ANOS1: variants seen among roughly 807,000 people sequenced by gnomAD.
ANOS1 encodes the protein anosmin 1, also known as anosmin-1.
ANOS1 carries 6 observed loss-of-function variants against 59.0 expected under a neutral mutation model. The observed-to-expected ratio is 0.10, with a 90% CI of 0.06 to 0.20. ANOS1 has a LOEUF of 0.20. ANOS1 is among the 10% of genes least tolerant of loss of function. The probability of loss-of-function intolerance (pLI) is 1.00; values close to 1 mark genes in which losing one functional copy is unlikely to be tolerated. For missense variants in ANOS1, 433 were observed against 542.3 expected (o/e 0.80, Z 2.00); for synonymous variants, 217 against 223.4 (o/e 0.97, Z 0.25).
intron 2 of ANOS1, among the ~76,000 whole-genome samples, chrX:8,698,420 C>G (rs1932715357): frequency 8.9e-6 from 1 of 112,101 alleles, no homozygotes; most frequent in Non-Finnish European, 1.9e-5. Flanking sequence ...ACCAATGTAA[C>G]AAATTATCAT....
At chrX:8,676,308 A>G (rs775626107) in intron 2 of ANOS1, among the ~76,000 whole-genome samples, 2 of 112,005 alleles carry the variant, frequency 1.8e-5, no homozygotes, top group Non-Finnish European at 3.8e-5. Context: ...ACTAATGTGC[A>G]ACTACTTAAG....
intron 2 of ANOS1, among the ~76,000 whole-genome samples, chrX:8,652,227 C>T (rs1014101924): frequency 3.6e-5 from 4 of 111,828 alleles, no homozygotes; most frequent in Admixed American, 9.5e-5. Flanking sequence ...GCTCCCAAAG[C>T]GCTGAGATTA....
At chrX:8,535,402 A>G in intron 12 of ANOS1, 189 bp downstream of exon 12, 1 of 458,131 alleles carries the variant, frequency 2.2e-6, no homozygotes. Flanking sequence ...AGCTTATGCT[A>G]CTTCTTAGCT....
chrX:8,643,852 C>T (rs1360065411), intron 2 of ANOS1, among the ~76,000 whole-genome samples: 1 of 111,854 alleles, frequency 8.9e-6, no homozygotes. Context: ...AAAAACTCAG[C>T]CAACTGTCCA....
intron 3 of ANOS1, among the ~76,000 whole-genome samples, chrX:8,609,990 G>C (rs1199694526): frequency 3.0e-5 from 2 of 67,357 alleles, no homozygotes; most frequent in African/African-American, 1.3e-4. Context: ...CTGGGCGACA[G>C]AGCAAGACTC....
At chrX:8,626,412 C>A (rs1339679946) in intron 2 of ANOS1, among the ~76,000 whole-genome samples, 1 of 110,830 alleles carries the variant, frequency 9.0e-6, no homozygotes, top group East Asian at 2.8e-4. Context: ...TTTAAAAAAA[C>A]TTGAGCTCTT....
At chrX:8,565,001 C>T (rs1345072990) in intron 8 of ANOS1, among the ~76,000 whole-genome samples, 1 of 111,063 alleles carries the variant, frequency 9.0e-6, no homozygotes, top group Non-Finnish European at 1.9e-5. Context: ...TGGGGATGCC[C>T]CAGGAAGGGT....
chrX:8,567,495 C>A (rs1378560731), intron 8 of ANOS1, among the ~76,000 whole-genome samples: 3 of 111,905 alleles, frequency 2.7e-5, no homozygotes, highest in Non-Finnish European at 5.6e-5. Flanking sequence ...AAAACAATTG[C>A]ACAAAAATAA....
At chrX:8,660,562 C>T (rs1267430451) in intron 2 of ANOS1, among the ~76,000 whole-genome samples, 3 of 110,788 alleles carry the variant, frequency 2.7e-5, no homozygotes, top group African/African-American at 9.9e-5. Flanking sequence ...ATTGCTTGAG[C>T]CCAGGAGTTC....
At chrX:8,634,551 T>C (rs956872908) in intron 2 of ANOS1, among the ~76,000 whole-genome samples, 1 of 111,281 alleles carries the variant, frequency 9.0e-6, no homozygotes, top group Admixed American at 9.6e-5. Flanking sequence ...AGCAGCAGAG[T>C]TGAGTAGTTG....
At chrX:8,567,361 G>A (rs1284472089) in intron 8 of ANOS1, among the ~76,000 whole-genome samples, 1 of 111,740 alleles carries the variant, frequency 8.9e-6, no homozygotes. Context: ...AAACAGGCAT[G>A]CCACACCACT....
At chrX:8,666,033 C>G (rs145026717) in intron 2 of ANOS1, among the ~76,000 whole-genome samples, 2,198 of 109,068 alleles carry the variant, frequency 0.02, 29 homozygotes, top group African/African-American at 0.05. Flanking sequence ...AAGATCTTGT[C>G]TCTTCAAAGA....
rs1288011244 is a variant in ANOS1 at position 8,594,646 on chromosome X, ATATATATATGTG to A, written c.541+2376_541+2387del. On this transcript the variant is annotated intron_variant, in intron 4 of 13. Transcript: ENST00000262648. ...AGAAAGCAAGAAAAAAAATCTACAT[ATATATATATGTG>A]TATATATATATATATATATATATAT... 9.2e-3 allele frequency among the ~76,000 whole-genome samples: 545 copies of A among 59,168 alleles called. 28 individuals carry two copies. Among genetic ancestry groups the A allele is most frequent in the African/African-American group, 0.037 (516 of 13,885 alleles). 51.4% of individuals were successfully genotyped at this position (59,168 alleles called of 115,157 possible). A position where few individuals can be genotyped will look rare whatever the true frequency, so the allele number is the denominator to read the frequency against.
chrX:8,696,799 C>T (rs1461033962), intron 2 of ANOS1, among the ~76,000 whole-genome samples: 1 of 112,402 alleles, frequency 8.9e-6, no homozygotes, highest in Non-Finnish European at 1.9e-5. Flanking sequence ...TCACTCCCAA[C>T]TGTGACAATC....
At chrX:8,655,419 T>C (rs1454856563) in intron 2 of ANOS1, among the ~76,000 whole-genome samples, 1 of 111,701 alleles carries the variant, frequency 9.0e-6, no homozygotes, top group Non-Finnish European at 1.9e-5. Context: ...TGAGTAGCTG[T>C]AAATACAGAA....
intron 1 of ANOS1, among the ~76,000 whole-genome samples, chrX:8,712,602 A>T (rs1160031730): frequency 8.9e-6 from 1 of 112,287 alleles, no homozygotes; most frequent in African/African-American, 3.2e-5. Context: ...TTATTTCTTC[A>T]CTTTGGCCTC....
rs894572813 is a variant in ANOS1, at chrX:8,585,383, C to T, written c.740G>A (p.Arg247Gln). The stretch of plus-strand genomic sequence containing the variant: ...GGGTCTTATGTCAGTCAGTTGAACT[C>T]GCTCGTCTGTGGTCTGAGGGGACAT... ...WQTVAQTTDE[R>Q]VQLTDIRPSR... Residue 247 changes from arginine to glutamine, a missense_variant, in exon 6 of 14, where the codon CGA (arginine) becomes CAA (glutamine). By Grantham distance (43) the Arg-to-Gln change is conservative. Transcript: ENST00000262648. 1.1e-5 allele frequency: 13 copies of T among 1,211,367 alleles called. No homozygotes were observed. The highest frequency in any genetic ancestry group is 1.5e-5 in the Non-Finnish European group (13 of 895,206).
intron 4 of ANOS1, among the ~76,000 whole-genome samples, chrX:8,589,470 T>C (rs1373000021): frequency 8.9e-6 from 1 of 112,110 alleles, no homozygotes; most frequent in African/African-American, 3.2e-5. Context: ...GGTTTCTCTC[T>C]GAATTATCTG....
intron 9 of ANOS1, among the ~76,000 whole-genome samples, chrX:8,547,929 C>A (rs1420782517): frequency 9.0e-6 from 1 of 111,567 alleles, no homozygotes; most frequent in African/African-American, 3.3e-5. Flanking sequence ...ATTGGCCAGA[C>A]TGGTCTCAAA....
Sources: gnomAD v4.1 joint callset for allele counts (sites outside exome capture counted in the v4.1 genomes callset) on GRCh38, gnomAD v4.1.1 for gene constraint, MANE v1.5 for transcripts, NCBI Gene and HGNC (gene_info 2026-07-23, HGNC 2026-07-21) for gene names.